Variants in ODAD2 observed in about 807,000 individuals in gnomAD.
ODAD2 encodes outer dynein arm-docking complex subunit 2.
Under a neutral mutation model 106.8 loss-of-function variants are expected in ODAD2, and 89 were observed. The ratio of observed to expected loss-of-function variants is 0.83; its 90% CI spans 0.70 to 0.99. The LOEUF (loss-of-function observed/expected upper bound fraction) is 0.99, where lower values mean the gene tolerates loss of function less well. ODAD2 is among the 50% of genes least tolerant of loss of function. The probability of loss-of-function intolerance (pLI) is 0.00; values close to 1 mark genes in which losing one functional copy is unlikely to be tolerated. For missense variants in ODAD2, 1,168 were observed against 1,238.5 expected (o/e 0.94, Z 0.85); for synonymous variants, 404 against 436.2 (o/e 0.93, Z 0.92).
In ODAD2 at chr10:27,932,184, C is replaced by A. The variant is rs117320029; in HGVS notation, c.2495+2826G>T. On this transcript the variant is annotated intron_variant, in intron 16 of 19. Transcript: ENST00000305242. ...CTCCTGGCCTCCAGCAATCCTTCTG[C>A]CTCTGCCTCCCAAAGTACTGGGATT... 7.3e-3 allele frequency among the ~76,000 whole-genome samples: 1,108 copies of A among 152,226 alleles called. 13 individuals carry two copies. Among genetic ancestry groups the A allele is most frequent in the Non-Finnish European group, 8.8e-3 (601 of 68,018 alleles).
At chr10:27,922,153 C>CAA (rs34021438) in intron 16 of ODAD2, among the ~76,000 whole-genome samples, 3,171 of 107,394 alleles carry the variant, frequency 0.03, 98 homozygotes, top group African/African-American at 0.1. Context: ...AACTCTGCCT[C>CAA]AAAAAAAAAA....
At position 27,970,999 on chromosome 10, in the gene ODAD2, TAAATAAATAAAC is replaced by T. The variant is rs1330722709; in HGVS notation, c.1142+97_1142+108del. The T allele has an allele frequency of 2.1e-3, 871 of 405,680 alleles. 20 individuals carry two copies. The highest frequency in any genetic ancestry group is 0.017 in the African/African-American group (551 of 32,752). The allele number at this position is 405,680 out of a possible 1,614,324, so 25.1% of individuals were successfully genotyped here. On this transcript the variant is annotated intron_variant, in intron 8 of 19. Coordinates refer to ENST00000305242, the MANE Select transcript of ODAD2 (RefSeq NM_018076.5). ...ATAAATAAATAAATAAATAAATAAA[TAAATAAATAAAC>T]AAACAAACAAAATAAAATAAAATAA...
chr10:27,984,558 T>C (rs1299450198), intron 4 of ODAD2, among the ~76,000 whole-genome samples: 4 of 152,226 alleles, frequency 2.6e-5, no homozygotes, highest in South Asian at 4.1e-4. Context: ...AAAATGAACA[T>C]GCTTTGGACT....
At chr10:27,826,424 A>T (rs1411324227) in intron 19 of ODAD2, among the ~76,000 whole-genome samples, 2 of 151,860 alleles carry the variant, frequency 1.3e-5, no homozygotes, top group Non-Finnish European at 2.9e-5. Context: ...AACTTTCTCC[A>T]CAGCAGCTAT....
intron 10 of ODAD2, among the ~76,000 whole-genome samples, chr10:27,949,304 T>C (rs1470417214): frequency 2.0e-5 from 3 of 151,918 alleles, no homozygotes; most frequent in Middle Eastern, 6.8e-3. Context: ...AGGAAAAAGG[T>C]TTTTAACTTT....
At chr10:27,820,618 T>G (rs907548651) in intron 19 of ODAD2, among the ~76,000 whole-genome samples, 26 of 152,078 alleles carry the variant, frequency 1.7e-4, no homozygotes, top group Non-Finnish European at 2.1e-4. Flanking sequence ...TTTCTTTACC[T>G]GAGTAACTTC....
intron 12 of ODAD2, 72 bp downstream of exon 12, chr10:27,944,150 G>C (rs1846681095): frequency 7.3e-7 from 1 of 1,368,276 alleles, no homozygotes; most frequent in Admixed American, 2.0e-5. Context: ...AGCGTGGCCA[G>C]AAAGGACAGC....
chr10:27,889,763 G>A (rs915487974), intron 17 of ODAD2, among the ~76,000 whole-genome samples: 9 of 152,164 alleles, frequency 5.9e-5, no homozygotes, highest in African/African-American at 1.9e-4. Flanking sequence ...ACAGTCTCAC[G>A]GTTAAGCAGC....
At chr10:27,909,699 T>C (rs1843852605) in intron 16 of ODAD2, among the ~76,000 whole-genome samples, 3 of 151,500 alleles carry the variant, frequency 2.0e-5, no homozygotes, top group African/African-American at 7.3e-5. Context: ...GCGCCTGTAG[T>C]CCCAGCTACT....
In ODAD2 at chr10:27,983,972, T is replaced by C. The variant is rs371977694; in HGVS notation, c.690A>G (p.Glu230=). The C allele has an allele frequency of 5.0e-6, 8 of 1,607,478 alleles. No homozygotes were observed. Among genetic ancestry groups the C allele is most frequent in the Non-Finnish European group, 6.8e-6 (8 of 1,178,750 alleles). ...GTGGGGCTCGACATCCATTTGAAAA[T>C]TCATAATCTGAAACCAATCATCAAG... ...LESIEYTSDY[E]FSNGCRAPPW... Residue 230 remains glutamate (E), a synonymous_variant, in exon 6 of 20, where the codon GAA becomes GAG. Transcript: ENST00000305242.
Position 27,946,330 on chromosome 10 carries a change from G to A in ODAD2, c.1387-1368C>T, listed in dbSNP as rs927460643. Among the ~76,000 whole-genome samples, 7 of 151,334 alleles carry A rather than the reference G, an allele frequency of 4.6e-5. No homozygotes were observed. In the South Asian group the frequency reaches 1.0e-3, roughly 22 times the overall value. The stretch of plus-strand genomic sequence containing the variant: ...TGCCAAACTCCCTCCTCCATAGCAC[G>A]AGCTTGTGCATTTGCAAATCTTCTT... On this transcript the variant is annotated intron_variant, in intron 10 of 19. Transcript: ENST00000305242.
At chr10:27,978,710 T>C (rs1169886005) in intron 7 of ODAD2, among the ~76,000 whole-genome samples, 3 of 152,014 alleles carry the variant, frequency 2.0e-5, no homozygotes, top group Non-Finnish European at 4.4e-5. Context: ...AAGAACCACA[T>C]GAACTCAGGA....
At chr10:27,967,475 G>C (rs1232427617) in intron 9 of ODAD2, among the ~76,000 whole-genome samples, 1 of 152,200 alleles carries the variant, frequency 6.6e-6, no homozygotes, top group Non-Finnish European at 1.5e-5. Context: ...GGACTCCCTT[G>C]CCTGACCCCC....
At chr10:27,896,305 C>G (rs1407276457) in intron 17 of ODAD2, among the ~76,000 whole-genome samples, 1 of 152,154 alleles carries the variant, frequency 6.6e-6, no homozygotes, top group Non-Finnish European at 1.5e-5. Context: ...AATTAGTAAT[C>G]TGCTAGGAAA....
At chr10:27,872,892 C>T (rs879010756) in intron 17 of ODAD2, among the ~76,000 whole-genome samples, 1 of 152,060 alleles carries the variant, frequency 6.6e-6, no homozygotes, top group African/African-American at 2.4e-5. Flanking sequence ...GAGAGGATTC[C>T]CTCTTTTTCT....
At chr10:27,838,379 G>A (rs1330064061) in intron 19 of ODAD2, among the ~76,000 whole-genome samples, 1 of 152,224 alleles carries the variant, frequency 6.6e-6, no homozygotes, top group Non-Finnish European at 1.5e-5. Context: ...TCAAATAGCT[G>A]CCAATTAATA....
intron 10 of ODAD2, among the ~76,000 whole-genome samples, chr10:27,945,778 G>A (rs1302094518): frequency 1.3e-5 from 2 of 152,156 alleles, no homozygotes; most frequent in Non-Finnish European, 2.9e-5. Flanking sequence ...CTTCTAAGGA[G>A]TAGTGCATAT....
chr10:27,958,247 T>C (rs1847869897), intron 10 of ODAD2, among the ~76,000 whole-genome samples: 1 of 152,248 alleles, frequency 6.6e-6, no homozygotes. Context: ...CATCAATATA[T>C]GTTTTCTTTA....
chr10:27,895,037 G>C (rs947901939), intron 17 of ODAD2, among the ~76,000 whole-genome samples: 5 of 84,224 alleles, frequency 5.9e-5, no homozygotes, highest in African/African-American at 1.9e-4. Context: ...CTAGTCATCG[G>C]TACGAAAAAA....
Sources: gnomAD v4.1 joint callset for allele counts (sites outside exome capture counted in the v4.1 genomes callset) on GRCh38, gnomAD v4.1.1 for gene constraint, MANE v1.5 for transcripts, NCBI Gene and HGNC (gene_info 2026-07-23, HGNC 2026-07-21) for gene names.